Variants in NUMB observed in about 807,000 individuals in gnomAD.
NUMB encodes NUMB endocytic adaptor protein.
In NUMB, 29 loss-of-function variants were observed where a neutral mutation model predicts 59.7. The observed-to-expected ratio is 0.49, with a 90% CI of 0.36 to 0.66. The LOEUF (loss-of-function observed/expected upper bound fraction) is 0.66. NUMB is among the 30% of genes least tolerant of loss of function. The pLI is 0.00. For synonymous variants in NUMB, 288 were observed against 288.2 expected (o/e 1.00, Z 0.01); for missense variants, 723 against 822.0 (o/e 0.88, Z 1.47).
intron 1 of NUMB, among the ~76,000 whole-genome samples, chr14:73,436,257 C>T (rs1306125541): frequency 2.0e-5 from 3 of 152,132 alleles, no homozygotes; most frequent in African/African-American, 7.2e-5. Context: ...AATAACCTTA[C>T]TTTTTGTTTA....
intron 4 of NUMB, among the ~76,000 whole-genome samples, chr14:73,352,459 T>TACACACACACACACACAC (rs60134093): frequency 5.1e-5 from 1 of 19,502 alleles, no homozygotes; most frequent in Non-Finnish European, 8.5e-5. Context: ...CACACACACA[T>TACACACACACACACACAC]ACACACACAC....
At chr14:73,445,759 A>C (rs1883451049) in intron 1 of NUMB, among the ~76,000 whole-genome samples, 1 of 152,194 alleles carries the variant, frequency 6.6e-6, no homozygotes, top group African/African-American at 2.4e-5. Flanking sequence ...AACCAGCAAA[A>C]AGAGTTAACT....
At chr14:73,306,583 T>C (rs1012266608) in intron 6 of NUMB, among the ~76,000 whole-genome samples, 1 of 152,210 alleles carries the variant, frequency 6.6e-6, no homozygotes, top group Non-Finnish European at 1.5e-5. Context: ...ATGTCCCTGA[T>C]AGTGCTGTTC....
At chr14:73,388,719 T>C (rs980637411) in intron 2 of NUMB, among the ~76,000 whole-genome samples, 1 of 152,144 alleles carries the variant, frequency 6.6e-6, no homozygotes, top group South Asian at 2.1e-4. Context: ...TCCCAGCACT[T>C]TGAGAGGCTG....
chr14:73,352,520 ATATATATATG>A lies in NUMB; in HGVS notation c.126+3096_126+3105del, dbSNP rs1893435050. On this transcript the variant is annotated intron_variant, in intron 4 of 12. Transcript: ENST00000555238. Reference sequence around the variant, plus strand: ...TATATATATATATATATATATATATATATATATATGTTTTTTTTTTTTTTTTTTTTTTGAG... The same window carrying A: ...TATATATATATATATATATATATATATTTTTTTTTTTTTTTTTTTTTTGAG... 2.2e-4 allele frequency among the ~76,000 whole-genome samples: 3 copies of A among 13,428 alleles called. 1 individual carries two copies. The highest frequency in any genetic ancestry group is 3.8e-4 in the Non-Finnish European group (3 of 7,912). 8.8% of individuals were successfully genotyped at this position (13,428 alleles called of 152,430 possible). A position where few individuals can be genotyped will look rare whatever the true frequency, so the allele number is the denominator to read the frequency against.
At chr14:73,289,856 G>A (rs1889275867) in intron 8 of NUMB, among the ~76,000 whole-genome samples, 1 of 152,204 alleles carries the variant, frequency 6.6e-6, no homozygotes, top group Admixed American at 6.5e-5. Flanking sequence ...TAAGGACAGA[G>A]CTACAGGTCA....
intron 1 of NUMB, among the ~76,000 whole-genome samples, chr14:73,431,691 G>C (rs1897837351): frequency 6.6e-6 from 1 of 151,968 alleles, no homozygotes; most frequent in African/African-American, 2.4e-5. Context: ...AGAGGTTGCA[G>C]TGAGCTGAGA....
intron 1 of NUMB, among the ~76,000 whole-genome samples, chr14:73,422,821 C>T (rs1423618019): frequency 6.6e-6 from 1 of 151,768 alleles, no homozygotes; most frequent in Non-Finnish European, 1.5e-5. Context: ...CCCCCCTGGC[C>T]CCACCTCCAA....
chr14:73,342,060 T>C (rs544491634), intron 4 of NUMB, among the ~76,000 whole-genome samples: 21 of 152,290 alleles, frequency 1.4e-4, no homozygotes, highest in Non-Finnish European at 1.2e-4. Flanking sequence ...TTCTTTAAAT[T>C]TAAAAAAAAA....
At chr14:73,333,581 T>C (rs1241195415) in intron 4 of NUMB, among the ~76,000 whole-genome samples, 2 of 152,002 alleles carry the variant, frequency 1.3e-5, no homozygotes, top group African/African-American at 4.8e-5. Flanking sequence ...AAAAATTAGG[T>C]TGTATTTTTT....
intron 4 of NUMB, among the ~76,000 whole-genome samples, chr14:73,343,663 T>C (rs1044832075): frequency 6.6e-6 from 1 of 151,028 alleles, no homozygotes; most frequent in Non-Finnish European, 1.5e-5. Context: ...AAACATTTGC[T>C]TCTTTATTCT....
rs200861181 is a variant in NUMB at position 73,384,578 on chromosome 14, T to C, written c.-100-17597A>G. 2.9e-4 allele frequency among the ~76,000 whole-genome samples: 43 copies of C among 146,860 alleles called. No homozygotes were observed. In the East Asian group the frequency reaches 7.5e-3, roughly 26 times the overall value. On this transcript the variant is annotated intron_variant, in intron 2 of 12. Coordinates refer to ENST00000555238, the MANE Select transcript of NUMB (RefSeq NM_001005743.2). ...CATGCATAAAATTAAAAAACTATAA[T>C]TTTTTTTGAGACAGGGTCTGGCTCT... is the stretch of plus-strand genomic sequence containing the variant.
chr14:73,412,842 C>T (rs1184225392), intron 1 of NUMB, among the ~76,000 whole-genome samples: 2 of 151,842 alleles, frequency 1.3e-5, no homozygotes, highest in Non-Finnish European at 2.9e-5. Flanking sequence ...GTTGCCCACA[C>T]TGGCTTCAAA....
chr14:73,415,955 T>C (rs771876884), intron 1 of NUMB, among the ~76,000 whole-genome samples: 5 of 152,200 alleles, frequency 3.3e-5, no homozygotes, highest in Non-Finnish European at 5.9e-5. Flanking sequence ...AATCTAGATT[T>C]CTATAAACAA....
intron 2 of NUMB, among the ~76,000 whole-genome samples, chr14:73,408,583 AAAG>A (rs1896778873): frequency 6.6e-6 from 1 of 152,168 alleles, no homozygotes; most frequent in Admixed American, 6.6e-5. Flanking sequence ...TGTTGACACA[AAAG>A]AAAATTCCAG....
intron 1 of NUMB, among the ~76,000 whole-genome samples, chr14:73,434,205 T>TA (rs2140174090): frequency 6.6e-6 from 1 of 152,324 alleles, no homozygotes; most frequent in South Asian, 2.1e-4. Context: ...CACTGAAAGT[T>TA]AAGAGTATGA....
At chr14:73,314,065 A>C (rs1890942404) in intron 6 of NUMB, among the ~76,000 whole-genome samples, 1 of 152,202 alleles carries the variant, frequency 6.6e-6, no homozygotes, top group East Asian at 1.9e-4. Context: ...TAAAGCTTTA[A>C]CTAATAAAAA....
At chr14:73,382,447 CA>C (rs151055012) in intron 2 of NUMB, among the ~76,000 whole-genome samples, 694 of 132,578 alleles carry the variant, frequency 5.2e-3, no homozygotes, top group Middle Eastern at 8.7e-3. Flanking sequence ...ATTTTTATAG[CA>C]AAAAAAAAAA....
At chr14:73,442,557 T>C (rs758329505) in intron 1 of NUMB, among the ~76,000 whole-genome samples, 1 of 152,164 alleles carries the variant, frequency 6.6e-6, no homozygotes, top group Non-Finnish European at 1.5e-5. Context: ...ATCCATATTA[T>C]GGAATACTAC....
Sources: allele counts gnomAD v4.1 joint callset (sites outside exome capture counted in the v4.1 genomes callset), GRCh38; gene constraint gnomAD v4.1.1; transcripts MANE v1.5; gene names NCBI Gene and HGNC (gene_info 2026-07-23, HGNC 2026-07-21).